The following MYO1D variants were observed in gnomAD, a reference collection of about 807,000 sequenced individuals.
MYO1D encodes unconventional myosin-Id.
A neutral mutation model predicts 122.0 loss-of-function variants in MYO1D; 83 were observed. The observed-to-expected ratio is 0.68, with a 90% confidence interval of 0.57 to 0.82. The LOEUF is 0.82. Ranked by LOEUF, MYO1D falls within the 40% of genes least tolerant of loss-of-function variation. The pLI, the probability that MYO1D is intolerant of heterozygous loss-of-function variation, is 0.00. For synonymous variants in MYO1D, 464 were observed against 446.9 expected (o/e 1.04, Z -0.48); for missense variants, 1,157 against 1,269.5 (o/e 0.91, Z 1.35).
intron 21 of MYO1D, among the ~76,000 whole-genome samples, chr17:32,517,316 G>A (rs1909924988): frequency 2.0e-5 from 3 of 152,238 alleles, no homozygotes; most frequent in Admixed American, 2.0e-4. Context: ...GAAGTCATAT[G>A]AGCAGTACTG....
At chr17:32,606,655 C>T (rs1237473422) in intron 20 of MYO1D, among the ~76,000 whole-genome samples, 1 of 152,120 alleles carries the variant, frequency 6.6e-6, no homozygotes, top group Non-Finnish European at 1.5e-5. Context: ...AACATCTATC[C>T]ATGATAAAAA....
intron 21 of MYO1D, among the ~76,000 whole-genome samples, chr17:32,572,234 C>G (rs1036415842): frequency 2.0e-5 from 3 of 151,244 alleles, no homozygotes; most frequent in East Asian, 1.9e-4. Flanking sequence ...TTTACTCCCC[C>G]TCGCCCACCT....
intron 21 of MYO1D, among the ~76,000 whole-genome samples, chr17:32,571,163 G>A (rs1433373880): frequency 1.3e-5 from 2 of 152,312 alleles, no homozygotes; most frequent in South Asian, 4.1e-4. Context: ...TCAGTGGGAA[G>A]TATCTGTGGG....
intron 21 of MYO1D, among the ~76,000 whole-genome samples, chr17:32,580,289 ATTTTTTTTTTTT>A (rs71144843): frequency 0.065 from 2,538 of 39,034 alleles, 64 homozygotes; most frequent in Middle Eastern, 0.21. Flanking sequence ...TGCTAAGAGG[ATTTTTTTTTTTT>A]TTTTTTTTTT....
chr17:32,593,039 C>T (rs2087455593), intron 21 of MYO1D, among the ~76,000 whole-genome samples: 1 of 152,182 alleles, frequency 6.6e-6, no homozygotes, highest in South Asian at 2.1e-4. Flanking sequence ...CTTCCATGTT[C>T]TTGGAAGACA....
chr17:32,540,575 C>A (rs1218630401), intron 21 of MYO1D, among the ~76,000 whole-genome samples: 4 of 151,990 alleles, frequency 2.6e-5, no homozygotes, highest in Admixed American at 6.6e-5. Context: ...CAGGGAAATG[C>A]AAATCAAAAC....
intron 21 of MYO1D, among the ~76,000 whole-genome samples, chr17:32,575,279 C>T (rs1023065232): frequency 7.2e-5 from 11 of 152,172 alleles, no homozygotes; most frequent in Admixed American, 3.9e-4. Flanking sequence ...AATCCGAGGA[C>T]CTTTGATTTA....
intron 21 of MYO1D, among the ~76,000 whole-genome samples, chr17:32,568,756 C>G: frequency 6.6e-6 from 1 of 152,238 alleles, no homozygotes; most frequent in East Asian, 1.9e-4. Flanking sequence ...GGGATCTGCC[C>G]TTTCCGTGCT....
intron 1 of MYO1D, among the ~76,000 whole-genome samples, chr17:32,854,361 T>C (rs2091011782): frequency 6.6e-6 from 1 of 152,216 alleles, no homozygotes; most frequent in Non-Finnish European, 1.5e-5. Flanking sequence ...TACTTAGCCA[T>C]TCAGAATTCC....
At chr17:32,540,516 T>C (rs1361887460) in intron 21 of MYO1D, among the ~76,000 whole-genome samples, 4 of 151,992 alleles carry the variant, frequency 2.6e-5, no homozygotes, top group Admixed American at 6.6e-5. Context: ...AAAGAAGATA[T>C]ACAAATAGCC....
Position 32,750,588 on chromosome 17 carries a change from C to G in MYO1D, c.1468-1582G>C, listed in dbSNP as rs529381099. On this transcript the variant is annotated intron_variant, in intron 11 of 21. Coordinates refer to ENST00000318217, the MANE Select transcript of MYO1D (RefSeq NM_015194.3). ...CGAGATCATGCCACTGCACTCCAGCCTGGGCGACAAGAGCAAGACTCTGTC... is the reference window on the plus strand; with the variant it reads ...CGAGATCATGCCACTGCACTCCAGCGTGGGCGACAAGAGCAAGACTCTGTC... Among the ~76,000 whole-genome samples, 4 of 152,232 alleles carry G rather than the reference C, an allele frequency of 2.6e-5. No individual in the cohort carries two copies. In the South Asian group the frequency reaches 8.3e-4, roughly 32 times the overall value.
chr17:32,573,283 T>A (rs1049358753), intron 21 of MYO1D, among the ~76,000 whole-genome samples: 1 of 152,218 alleles, frequency 6.6e-6, no homozygotes, highest in Non-Finnish European at 1.5e-5. Flanking sequence ...TGGTCTAGAA[T>A]TGAATAAAAT....
At chr17:32,867,572 A>G (rs2091138213) in intron 1 of MYO1D, among the ~76,000 whole-genome samples, 1 of 150,972 alleles carries the variant, frequency 6.6e-6, no homozygotes, top group South Asian at 2.1e-4. Flanking sequence ...CAAAGCGGGC[A>G]GATCACCTGA....
chr17:32,616,819 C>T (rs2087775487), intron 20 of MYO1D, among the ~76,000 whole-genome samples: 1 of 152,156 alleles, frequency 6.6e-6, no homozygotes, highest in African/African-American at 2.4e-5. Flanking sequence ...GGCTGTGTGA[C>T]TTCTGAGGCC....
intron 21 of MYO1D, among the ~76,000 whole-genome samples, chr17:32,568,823 C>T (rs778848970): frequency 3.3e-5 from 5 of 152,238 alleles, no homozygotes; most frequent in Admixed American, 2.6e-4. Flanking sequence ...AGTGCACACA[C>T]CTCCAGAGCA....
chr17:32,668,375 G>A (rs1471360751), intron 16 of MYO1D, among the ~76,000 whole-genome samples: 2 of 152,188 alleles, frequency 1.3e-5, no homozygotes, highest in African/African-American at 2.4e-5. Context: ...TTGACCTTGT[G>A]TGACAAATGC....
chr17:32,739,321 G>C (rs1008508561), intron 13 of MYO1D, among the ~76,000 whole-genome samples: 2 of 151,912 alleles, frequency 1.3e-5, no homozygotes, highest in East Asian at 3.9e-4. Flanking sequence ...CCATAAAAAA[G>C]GATGAGTTCA....
intron 16 of MYO1D, among the ~76,000 whole-genome samples, chr17:32,668,146 G>C (rs1447082570): frequency 6.6e-6 from 1 of 152,146 alleles, no homozygotes; most frequent in East Asian, 1.9e-4. Flanking sequence ...GTAAAAACTT[G>C]GTAATTCATC....
intron 1 of MYO1D, among the ~76,000 whole-genome samples, chr17:32,787,371 T>G (rs945221760): frequency 6.6e-6 from 1 of 152,152 alleles, no homozygotes; most frequent in African/African-American, 2.4e-5. Context: ...TTCCAAGATT[T>G]TGGTACACTT....
Sources: allele counts gnomAD v4.1 joint callset (sites outside exome capture counted in the v4.1 genomes callset), GRCh38; gene constraint gnomAD v4.1.1; transcripts MANE v1.5; gene names NCBI Gene and HGNC (gene_info 2026-07-23, HGNC 2026-07-21).